Variants in PSMB9 observed in about 807,000 individuals in gnomAD.
PSMB9 encodes the protein proteasome 20S subunit beta 9, also known as proteasome subunit beta type-9.
PSMB9 carries 16 observed loss-of-function variants against 26.9 expected under a neutral mutation model. The observed-to-expected ratio is 0.59, with a 90% CI of 0.40 to 0.90. The LOEUF is 0.90. PSMB9 is among the 40% of genes least tolerant of loss of function. The pLI is 0.00. For synonymous variants in PSMB9, 91 were observed against 112.0 expected (o/e 0.81, Z 1.18); for missense variants, 253 against 292.2 (o/e 0.87, Z 0.98).
rs772710212 is a variant in PSMB9, at chr6:32,857,312, C to CACATCTACT, written c.178_179insACATCTACT (p.Arg60delinsHisIleTyrCys). The stretch of plus-strand genomic sequence containing the variant: ...TGACAAGCTGTCCCCGCTGCACGAG[C>CACATCTACT]GCATCTACTGTGCACTCTCTGGTTC... On this transcript the variant is annotated protein_altering_variant, in exon 3 of 6. Transcript: ENST00000374859. 1.4e-5 allele frequency: 23 copies of CACATCTACT among 1,612,312 alleles called. No individual in the cohort carries two copies. Among genetic ancestry groups the CACATCTACT allele is most frequent in the Non-Finnish European group, 1.9e-5 (23 of 1,179,714 alleles).
chr6:32,856,257 T>C (rs1311694966), intron 2 of PSMB9, 52 bp downstream of exon 2: 1 of 1,540,714 alleles, frequency 6.5e-7, no homozygotes, highest in East Asian at 2.2e-5. Flanking sequence ...TGGCCTCAAA[T>C]ACACACTTTC....
chr6:32,856,913 A>C (rs1771183649), intron 2 of PSMB9: 1 of 170,444 alleles, frequency 5.9e-6, no homozygotes, highest in African/African-American at 2.4e-5. Flanking sequence ...AAAATTCCTG[A>C]GTTCTGGTTG....
chr6:32,858,167 GC>G lies in PSMB9; in HGVS notation c.390+34del. On this transcript the variant is annotated intron_variant, in intron 4 of 5. Coordinates refer to ENST00000374859, the MANE Select transcript of PSMB9 (RefSeq NM_002800.5). The surrounding 1 kb of genome is among the most constrained non-coding windows in gnomAD (Gnocchi z 5.2). ...TCTCCCAAAGCACTCTCTCCTCTGG[GC>G]TTCCCCACTCTCCTGCAGAGGAAGA... 1 of 1,612,032 alleles carries G rather than the reference GC, an allele frequency of 6.2e-7. No individual in the cohort carries two copies.
In PSMB9 at chr6:32,859,673, TTTC is replaced by T; in HGVS notation, c.*147_*149del. 6.2e-6 allele frequency: 6 copies of T among 970,806 alleles called. No homozygotes were observed. Among genetic ancestry groups the T allele is most frequent in the Non-Finnish European group, 9.0e-6 (6 of 669,700 alleles). The allele number at this position is 970,806 out of a possible 1,614,324, so 60.1% of individuals were successfully genotyped here. A position where few individuals can be genotyped will look rare whatever the true frequency, so the allele number is the denominator to read the frequency against. On this transcript the variant is annotated 3_prime_UTR_variant, in exon 6 of 6. Coordinates refer to ENST00000374859, the MANE Select transcript of PSMB9 (RefSeq NM_002800.5). The stretch of plus-strand genomic sequence containing the variant: ...CCCTCCTAGATGTCAGCATACACTC[TTTC>T]TTCTTTTGTCCCAGGTCTAAAACAT...
Position 32,858,744 on chromosome 6 carries a change from C to A in PSMB9, c.532+239C>A. 1.7e-6 allele frequency: 1 copy of A among 601,900 alleles called. No homozygotes were observed. Among genetic ancestry groups the A allele is most frequent in the South Asian group, 1.9e-5 (1 of 52,162 alleles). The allele number at this position is 601,900 out of a possible 1,614,324, so 37.3% of individuals were successfully genotyped here. On this transcript the variant is annotated intron_variant, in intron 5 of 5. Coordinates refer to ENST00000374859, the MANE Select transcript of PSMB9 (RefSeq NM_002800.5). This position sits in a 1 kb window ranked among gnomAD's most constrained non-coding sequence, Gnocchi z 5.2. ...TGAGGATACACAGTCACTGTGAGAA[C>A]CAGTGGTGTGCTAAGCACAGTGGCT...
At chr6:32,859,054 G>GA (rs35686395) in intron 5 of PSMB9, among the ~76,000 whole-genome samples, 45,578 of 119,344 alleles carry the variant, frequency 0.38, 8,143 homozygotes, top group Middle Eastern at 0.44. Flanking sequence ...CCTGTCTGGA[G>GA]AAAAAAAAAA....
chr6:32,859,265 C>T, intron 5 of PSMB9, 140 bp from the exon 6 acceptor site: 1 of 1,096,936 alleles, frequency 9.1e-7, no homozygotes, highest in South Asian at 1.8e-5. Context: ...GATTTACCAG[C>T]ACACCACTAA....
rs963288501 is a variant in PSMB9 at position 32,854,586 on chromosome 6, T to G, written c.60+297T>G. Among the ~76,000 whole-genome samples the G allele has an allele frequency of 6.7e-6, 1 of 150,158 alleles. No individual in the cohort carries two copies. The highest frequency in any genetic ancestry group is 2.5e-5 in the African/African-American group (1 of 40,568). On this transcript the variant is annotated intron_variant, in intron 1 of 5. Transcript: ENST00000374859. The surrounding 1 kb of genome is among the most constrained non-coding windows in gnomAD (Gnocchi z 4.6). Reference sequence around the variant, plus strand: ...CTCTAAAGCGCTTTCGCTTTCACTCTGGTCCCGGACAGTGGGGGCTGGTTA... The same window carrying G: ...CTCTAAAGCGCTTTCGCTTTCACTCGGGTCCCGGACAGTGGGGGCTGGTTA...
In PSMB9 at chr6:32,858,566, T is replaced by G. The variant is rs778403384; in HGVS notation, c.532+61T>G. On this transcript the variant is annotated intron_variant, in intron 5 of 5. Transcript: ENST00000374859. The surrounding 1 kb of genome is among the most constrained non-coding windows in gnomAD (Gnocchi z 5.2). Reference sequence around the variant, plus strand: ...TTTGAAACATGGGAAGGAAGTAGATTATGAGGAACAGGAAGAGAAATACAG... The same window carrying G: ...TTTGAAACATGGGAAGGAAGTAGATGATGAGGAACAGGAAGAGAAATACAG... The G allele has an allele frequency of 6.2e-7, 1 of 1,606,754 alleles. No individual in the cohort carries two copies. Among genetic ancestry groups the G allele is most frequent in the Admixed American group, 1.7e-5 (1 of 59,954 alleles).
Position 32,857,302 on chromosome 6 carries a change from G to A in PSMB9, c.168G>A (p.Pro56=), listed in dbSNP as rs750768995. The change falls in exon 3 of 6, where the codon CCG becomes CCA. Residue 56 remains proline (P), a synonymous_variant. Transcript: ENST00000374859. ...ACCGAGTGTTTGACAAGCTGTCCCC[G>A]CTGCACGAGCGCATCTACTGTGCAC... ...VVNRVFDKLS[P]LHERIYCALS... is the part of the protein sequence containing the mutation. The A allele has an allele frequency of 1.3e-5, 21 of 1,608,220 alleles. No individual in the cohort carries two copies. Among genetic ancestry groups the A allele is most frequent in the African/African-American group, 1.3e-5 (1 of 74,364 alleles).
Position 32,857,326 on chromosome 6 carries a change from A to G in PSMB9, c.192A>G (p.Ala64=). The G allele has an allele frequency of 1.2e-6, 2 of 1,612,510 alleles. No homozygotes were observed. The highest frequency in any genetic ancestry group is 1.1e-5 in the South Asian group (1 of 91,060). The part of the protein sequence containing the change: ...LSPLHERIYC[A]LSGSAADAQA... ...CGCTGCACGAGCGCATCTACTGTGC[A>G]CTCTCTGGTTCAGCTGCTGATGCCC... Residue 64 remains alanine, a synonymous_variant, in exon 3 of 6, where the codon GCA becomes GCG. Transcript: ENST00000374859.
At chr6:32,855,009 G>A (rs575092753) in intron 1 of PSMB9, among the ~76,000 whole-genome samples, 35 of 152,292 alleles carry the variant, frequency 2.3e-4, no homozygotes, top group African/African-American at 7.7e-4. Flanking sequence ...GCTTGGGGGC[G>A]GCTTTGTTAG....
chr6:32,857,487 C>A, intron 3 of PSMB9, 93 bp downstream of exon 3: 1 of 1,392,262 alleles, frequency 7.2e-7, no homozygotes, highest in Non-Finnish European at 9.4e-7. Flanking sequence ...GAGCTGGACA[C>A]TGGGAAATGG....
Position 32,854,990 on chromosome 6 carries a change from C to G in PSMB9, c.60+701C>G, listed in dbSNP as rs1025186382. ...TGGCTTCTGCTCTGGACTACTGCCA[C>G]CACTCGTGGCTTGGGGGCGGCTTTG... On this transcript the variant is annotated intron_variant, in intron 1 of 5. Transcript: ENST00000374859. The surrounding 1 kb of genome is among the most constrained non-coding windows in gnomAD (Gnocchi z 4.6). Among the ~76,000 whole-genome samples the G allele has an allele frequency of 6.6e-6, 1 of 152,214 alleles. No individual in the cohort carries two copies. The highest frequency in any genetic ancestry group is 2.4e-5 in the African/African-American group (1 of 41,448).
intron 1 of PSMB9, among the ~76,000 whole-genome samples, chr6:32,855,003 G>C (rs1321612928): frequency 6.6e-6 from 1 of 152,192 alleles, no homozygotes; most frequent in East Asian, 1.9e-4. Context: ...CTCGTGGCTT[G>C]GGGGCGGCTT....
At chr6:32,857,933 G>A (rs1771242648) in intron 3 of PSMB9, 72 bp from the exon 4 acceptor site, 7 of 1,583,638 alleles carry the variant, frequency 4.4e-6, no homozygotes, top group Non-Finnish European at 6.0e-6. Flanking sequence ...TCGTTTAGCA[G>A]GGATGATGGT....
rs748520491 is a variant in PSMB9 at position 32,857,314 on chromosome 6, C to T, written c.180C>T (p.Arg60=). The T allele has an allele frequency of 6.2e-7, 1 of 1,612,672 alleles. No homozygotes were observed. Among genetic ancestry groups the T allele is most frequent in the Non-Finnish European group, 8.5e-7 (1 of 1,179,924 alleles). Residue 60 remains arginine, a synonymous_variant, in exon 3 of 6, where the codon CGC becomes CGT. Coordinates refer to ENST00000374859, the MANE Select transcript of PSMB9 (RefSeq NM_002800.5). ...ACAAGCTGTCCCCGCTGCACGAGCG[C>T]ATCTACTGTGCACTCTCTGGTTCAG... ...VFDKLSPLHE[R]IYCALSGSAA...
At chr6:32,855,754 G>T (rs1290577575) in intron 1 of PSMB9, among the ~76,000 whole-genome samples, 2 of 151,960 alleles carry the variant, frequency 1.3e-5, no homozygotes, top group South Asian at 2.1e-4. Flanking sequence ...TCTGTGTTGG[G>T]TCTACACCAC....
At position 32,859,574 on chromosome 6, in the gene PSMB9, C is replaced by G. The variant is rs1489721679; in HGVS notation, c.*42C>G. 4.4e-6 allele frequency: 7 copies of G among 1,597,604 alleles called. No individual in the cohort carries two copies. Among genetic ancestry groups the G allele is most frequent in the African/African-American group, 4.0e-5 (3 of 74,658 alleles). On this transcript the variant is annotated 3_prime_UTR_variant, in exon 6 of 6. Transcript: ENST00000374859. ...TCTTTCTTATTTTGTAATAAACTCT[C>G]TAGGGCCAAAACCTGGTATGGTCAT...
Sources: gnomAD v4.1 joint callset for allele counts (sites outside exome capture counted in the v4.1 genomes callset) on GRCh38, gnomAD v4.1.1 for gene constraint, Gnocchi (gnomAD v3.1) non-coding constraint, MANE v1.5 for transcripts, NCBI Gene and HGNC (gene_info 2026-07-23, HGNC 2026-07-21) for gene names.